Variants in TLN2 observed in about 807,000 individuals in gnomAD.
The protein encoded by TLN2 is talin-2.
TLN2 carries 118 observed loss-of-function variants against 294.7 expected under a neutral mutation model. The ratio of observed to expected loss-of-function variants is 0.40; its 90% CI spans 0.34 to 0.47. The LOEUF is 0.47. Among genes scored for constraint, TLN2 ranks in the 20% least tolerant of loss-of-function variants. The probability of loss-of-function intolerance (pLI) is 0.84; values close to 1 mark genes in which losing one functional copy is unlikely to be tolerated. For missense variants in TLN2, 3,083 were observed against 3,282.2 expected (o/e 0.94, Z 1.48); for synonymous variants, 1,431 against 1,304.5 (o/e 1.10, Z -2.09).
Position 62,813,913 on chromosome 15 carries a change from C to G in TLN2, c.6771+3881C>G, listed in dbSNP as rs546602227. 3.3e-5 allele frequency among the ~76,000 whole-genome samples: 5 copies of G among 151,948 alleles called. 1 individual carries two copies. In the South Asian group the frequency reaches 8.4e-4, roughly 25 times the overall value. On this transcript the variant is annotated intron_variant, in intron 52 of 58. Coordinates refer to ENST00000636159, the MANE Select transcript of TLN2 (RefSeq NM_015059.3). ...CACTGTAACCTCCGCCTCCCGGGTT[C>G]AAATGATTCTCCTGCCTCAGCCTCC...
At chr15:62,750,572 C>T in intron 34 of TLN2, 81 bp downstream of exon 34, 1 of 1,201,578 alleles carries the variant, frequency 8.3e-7, no homozygotes. Flanking sequence ...TTCTGTGCAT[C>T]TGCCTGTGGC....
intron 24 of TLN2, among the ~76,000 whole-genome samples, chr15:62,718,952 G>C (rs997732148): frequency 1.3e-5 from 2 of 152,166 alleles, no homozygotes; most frequent in Non-Finnish European, 2.9e-5. Context: ...AAGGGGGCCT[G>C]GGAAAAATTC....
chr15:62,834,607 G>T (rs10519180), intron 55 of TLN2: 15,362 of 152,150 alleles, frequency 0.1, 1,820 homozygotes, highest in African/African-American at 0.29. Context: ...TTGTGTTGTA[G>T]GTTATTCAGT....
chr15:62,586,244 G>T (rs999869400), intron 1 of TLN2, among the ~76,000 whole-genome samples: 1 of 152,170 alleles, frequency 6.6e-6, no homozygotes, highest in African/African-American at 2.4e-5. Context: ...TGTGGGAAGG[G>T]GTGTGTTGTA....
At chr15:62,742,862 C>T (rs1048446250) in intron 32 of TLN2, among the ~76,000 whole-genome samples, 2 of 152,178 alleles carry the variant, frequency 1.3e-5, no homozygotes, top group African/African-American at 4.8e-5. Context: ...CCAGCCAGGT[C>T]AAGAGGGTCA....
intron 45 of TLN2, 80 bp downstream of exon 45, chr15:62,783,970 T>C (rs766497454): frequency 1.9e-6 from 3 of 1,588,788 alleles, no homozygotes; most frequent in Admixed American, 1.7e-5. Context: ...ATAGCTTAGC[T>C]CCACTCTGGA....
chr15:62,663,492 A>T (rs2054148168), intron 9 of TLN2, among the ~76,000 whole-genome samples: 1 of 151,904 alleles, frequency 6.6e-6, no homozygotes, highest in Admixed American at 6.5e-5. Flanking sequence ...AACTGTCATT[A>T]GTTGCAGGTG....
At chr15:62,781,708 T>C (rs1177868283) in intron 44 of TLN2, among the ~76,000 whole-genome samples, 15 of 152,132 alleles carry the variant, frequency 9.9e-5, no homozygotes, top group Admixed American at 9.8e-4. Context: ...AATAAGGTAT[T>C]GCCAGTCTTT....
chr15:62,731,831 G>A (rs2060744806), intron 28 of TLN2, among the ~76,000 whole-genome samples: 1 of 152,164 alleles, frequency 6.6e-6, no homozygotes, highest in Non-Finnish European at 1.5e-5. Flanking sequence ...GTTTCTGTGT[G>A]GGAAGGCTGA....
At chr15:62,835,556 A>G (rs1429991334) in intron 55 of TLN2, 181 bp from the exon 56 acceptor site, 15 of 650,880 alleles carry the variant, frequency 2.3e-5, no homozygotes, top group Non-Finnish European at 3.8e-5. Flanking sequence ...GTGCTGTGCA[A>G]TCTTTCTTGG....
intron 16 of TLN2, among the ~76,000 whole-genome samples, chr15:62,699,352 C>A (rs2058566442): frequency 6.6e-6 from 1 of 151,890 alleles, no homozygotes; most frequent in African/African-American, 2.4e-5. Flanking sequence ...TCCGAAGGGC[C>A]TGTTAAAATG....
At chr15:62,691,969 A>C (rs1050340233) in intron 12 of TLN2, among the ~76,000 whole-genome samples, 3 of 152,228 alleles carry the variant, frequency 2.0e-5, no homozygotes, top group Admixed American at 6.5e-5. Context: ...CACTGTGCCC[A>C]GCCCATTGGG....
At chr15:62,575,605 A>AAAAAC (rs1555433516) in intron 1 of TLN2, among the ~76,000 whole-genome samples, 93 of 150,086 alleles carry the variant, frequency 6.2e-4, no homozygotes, top group African/African-American at 2.2e-3. Flanking sequence ...TCACTTAAAA[A>AAAAAC]ACACACACAC....
intron 27 of TLN2, among the ~76,000 whole-genome samples, chr15:62,725,676 C>T (rs184991548): frequency 1.1e-3 from 167 of 152,274 alleles, no homozygotes; most frequent in Non-Finnish European, 1.5e-3. Context: ...AAGCACTGTA[C>T]ACACACAGTG....
At chr15:62,452,907 C>T (rs572088729) in intron 1 of TLN2, among the ~76,000 whole-genome samples, 18 of 152,238 alleles carry the variant, frequency 1.2e-4, no homozygotes, top group Admixed American at 3.3e-4. Context: ...TTGCTTCCAG[C>T]TGTTCTTGGG....
At chr15:62,746,088 A>C (rs1225512646) in intron 32 of TLN2, among the ~76,000 whole-genome samples, 1 of 152,236 alleles carries the variant, frequency 6.6e-6, no homozygotes, top group African/African-American at 2.4e-5. Flanking sequence ...ACAGCTGTAT[A>C]TCCTCTGGAT....
At chr15:62,420,346 A>T (rs1343643184) in intron 1 of TLN2, among the ~76,000 whole-genome samples, 1 of 152,174 alleles carries the variant, frequency 6.6e-6, no homozygotes, top group Non-Finnish European at 1.5e-5. Flanking sequence ...TTATGTTAAT[A>T]GGTGATTAAG....
intron 34 of TLN2, 118 bp downstream of exon 34, chr15:62,750,609 C>T: frequency 1.2e-6 from 1 of 834,714 alleles, no homozygotes; most frequent in Non-Finnish European, 2.0e-6. Context: ...CCACATGTAG[C>T]ATGAAGCCTA....
At chr15:62,807,717 C>T (rs1384433226) in intron 51 of TLN2, among the ~76,000 whole-genome samples, 3 of 152,210 alleles carry the variant, frequency 2.0e-5, no homozygotes, top group African/African-American at 7.2e-5. Context: ...CAGCCCCTCT[C>T]TGTCATCTCG....
Sources: gnomAD v4.1 joint callset for allele counts (sites outside exome capture counted in the v4.1 genomes callset) on GRCh38, gnomAD v4.1.1 for gene constraint, MANE v1.5 for transcripts, NCBI Gene and HGNC (gene_info 2026-07-23, HGNC 2026-07-21) for gene names.